The following CELF2 variants were observed in gnomAD, a reference collection of about 807,000 sequenced individuals.
CELF2 encodes CUG triplet repeat RNA-binding protein 2.
A neutral mutation model predicts 62.6 loss-of-function variants in CELF2; 8 were observed. That is an observed-to-expected ratio of 0.13 (90% CI 0.07 to 0.23). The LOEUF (loss-of-function observed/expected upper bound fraction) is 0.23, where lower values mean the gene tolerates loss of function less well. Among genes scored for constraint, CELF2 ranks in the 10% least tolerant of loss-of-function variants. The probability of loss-of-function intolerance (pLI) is 1.00; values close to 1 mark genes in which losing one functional copy is unlikely to be tolerated. For missense variants in CELF2, 333 were observed against 671.0 expected, an observed-to-expected ratio of 0.50 and a Z score of 5.56; for synonymous variants, 258 against 250.0, an observed-to-expected ratio of 1.03 and a Z score of -0.30.
chr10:11,009,611 C>G (rs2056066352), intron 1 of CELF2, among the ~76,000 whole-genome samples: 2 of 152,096 alleles, frequency 1.3e-5, no homozygotes, highest in Admixed American at 1.3e-4. Context: ...GAGGGTGACA[C>G]CAGCCCTGAG....
At chr10:11,032,892 A>G (rs1351643964) in intron 1 of CELF2, among the ~76,000 whole-genome samples, 3 of 152,234 alleles carry the variant, frequency 2.0e-5, no homozygotes, top group Non-Finnish European at 4.4e-5. Context: ...GTTCCCCAAT[A>G]TGTATGTTGT....
the CELF2 span, among the ~76,000 whole-genome samples, chr10:10,741,450 C>T: frequency 2.2e-5 from 3 of 139,056 alleles, no homozygotes; most frequent in Non-Finnish European, 3.0e-5. Flanking sequence ...GGGAGAGGTG[C>T]GCCACTGCAC....
chr10:10,739,941 GTTT>G, the CELF2 span, among the ~76,000 whole-genome samples: 1 of 151,964 alleles, frequency 6.6e-6, no homozygotes, highest in African/African-American at 2.4e-5. Flanking sequence ...CAGGTTATTT[GTTT>G]TTGTTATTTT....
At chr10:11,251,896 C>T (rs749375326) in intron 4 of CELF2, among the ~76,000 whole-genome samples, 3 of 152,180 alleles carry the variant, frequency 2.0e-5, no homozygotes, top group African/African-American at 4.8e-5. Context: ...CAGCAGAGGC[C>T]GGCCTGTCCA....
the CELF2 span, among the ~76,000 whole-genome samples, chr10:10,479,220 G>A: frequency 2.0e-5 from 3 of 152,098 alleles, no homozygotes; most frequent in Non-Finnish European, 4.4e-5. Context: ...CCAGGCTGGA[G>A]TGCAGTGGCA....
intron 2 of CELF2, among the ~76,000 whole-genome samples, chr10:10,987,162 G>A (rs556881123): frequency 6.6e-6 from 1 of 152,030 alleles, no homozygotes; most frequent in African/African-American, 2.4e-5. Context: ...CAGCAGAGAC[G>A]CTCAATTCCA....
chr10:11,247,170 C>T lies in CELF2; in HGVS notation c.355-1983C>T, dbSNP rs75511214. On this transcript the variant is annotated intron_variant, in intron 3 of 12. Transcript: ENST00000633077. The surrounding 1 kb of genome is among the most constrained non-coding windows in gnomAD (Gnocchi z 5.4). The stretch of plus-strand genomic sequence containing the variant: ...AGCCAAAATGGCTTTTCTAGAATTT[C>T]GATCTTGTTTCCTTTGTTACTTCTT... Among the ~76,000 whole-genome samples, 622 of 152,358 alleles carry T rather than the reference C, an allele frequency of 4.1e-3. 2 individuals carry two copies. Among genetic ancestry groups the T allele is most frequent in the Middle Eastern group, 0.01 (3 of 294 alleles).
intron 1 of CELF2, among the ~76,000 whole-genome samples, chr10:11,043,236 A>G (rs1593857826): frequency 6.6e-6 from 1 of 152,228 alleles, no homozygotes; most frequent in Admixed American, 6.5e-5. Context: ...GGACACAGAA[A>G]GTAATAACTA....
chr10:10,648,677 G>T, the CELF2 span, among the ~76,000 whole-genome samples: 1 of 152,100 alleles, frequency 6.6e-6, no homozygotes, highest in Admixed American at 6.5e-5. Context: ...TGTATATTTT[G>T]ATTTTCTCTT....
chr10:10,963,416 C>T (rs1247198522), intron 2 of CELF2, among the ~76,000 whole-genome samples: 1 of 152,154 alleles, frequency 6.6e-6, no homozygotes, highest in African/African-American at 2.4e-5. Context: ...TTGAGGCTGT[C>T]ATCTTTAACC....
the CELF2 span, among the ~76,000 whole-genome samples, chr10:10,708,841 C>G: frequency 6.6e-6 from 1 of 152,052 alleles, no homozygotes. Context: ...TTCACCTTGA[C>G]CCCTCCAAAC....
chr10:10,628,294 C>T, the CELF2 span, among the ~76,000 whole-genome samples: 2 of 152,030 alleles, frequency 1.3e-5, no homozygotes, highest in Non-Finnish European at 1.5e-5. Flanking sequence ...GTCTCTAGAA[C>T]CAAATATTTT....
rs558332650 is a variant in CELF2 at position 10,895,509 on chromosome 10, T to C, written c.54-24455T>C. On this transcript the variant is annotated intron_variant, in intron 1 of 13. Coordinates refer to the CELF2 transcript ENST00000636488. ...GAACTATGAAACAAAGAAGGACCAG[T>C]AGTTGATCTGAAAAATTTTCAGCCT... Among the ~76,000 whole-genome samples the C allele has an allele frequency of 1.9e-3, 287 of 152,244 alleles. 1 individual carries two copies. The highest frequency in any genetic ancestry group is 4.6e-3 in the South Asian group (22 of 4,820).
chr10:10,926,652 T>C (rs927694016), intron 2 of CELF2, among the ~76,000 whole-genome samples: 1 of 152,136 alleles, frequency 6.6e-6, no homozygotes. Context: ...CATGGGACTG[T>C]TTTTTAGGGG....
chr10:11,197,210 G>A (rs557993567), intron 2 of CELF2, among the ~76,000 whole-genome samples: 3 of 152,114 alleles, frequency 2.0e-5, no homozygotes, highest in Admixed American at 6.5e-5. Flanking sequence ...CTGGTTGAAC[G>A]TGGTCAGTGA....
At chr10:11,261,638 A>G (rs1264135826) in intron 5 of CELF2, among the ~76,000 whole-genome samples, 1 of 152,156 alleles carries the variant, frequency 6.6e-6, no homozygotes, top group East Asian at 1.9e-4. Context: ...GCCATATCTC[A>G]GTATGCGTTT....
the CELF2 span, among the ~76,000 whole-genome samples, chr10:10,555,462 T>A: frequency 1.3e-5 from 2 of 152,108 alleles, no homozygotes; most frequent in Admixed American, 1.3e-4. Context: ...GGGCAGTAAA[T>A]AAGATACTGG....
the CELF2 span, among the ~76,000 whole-genome samples, chr10:10,768,658 C>G: frequency 6.6e-6 from 1 of 151,098 alleles, no homozygotes; most frequent in Non-Finnish European, 1.5e-5. Flanking sequence ...ACTGCAACTT[C>G]TGCCTGCTGG....
At chr10:10,905,119 T>A (rs1591739214) in intron 1 of CELF2, among the ~76,000 whole-genome samples, 1 of 152,242 alleles carries the variant, frequency 6.6e-6, no homozygotes, top group East Asian at 1.9e-4. Flanking sequence ...ATGGACATGA[T>A]AATGAATAAC....
Sources: gnomAD v4.1 joint callset for allele counts (sites outside exome capture counted in the v4.1 genomes callset) on GRCh38, gnomAD v4.1.1 for gene constraint, Gnocchi (gnomAD v3.1) non-coding constraint, MANE v1.5 for transcripts, NCBI Gene and HGNC (gene_info 2026-07-23, HGNC 2026-07-21) for gene names.